Variants in HS6ST3 observed in about 807,000 individuals in gnomAD.
HS6ST3 encodes heparan-sulfate 6-O-sulfotransferase 3.
In HS6ST3, 12 loss-of-function variants were observed where a neutral mutation model predicts 36.7. The observed-to-expected ratio is 0.33, with a 90% confidence interval of 0.21 to 0.53. The LOEUF is 0.53. HS6ST3 is among the 20% of genes least tolerant of loss of function. HS6ST3 has a pLI of 0.95. For missense variants in HS6ST3, 584 were observed against 640.9 expected (o/e 0.91, Z 0.96); for synonymous variants, 240 against 257.5 (o/e 0.93, Z 0.65).
chr13:96,671,889 A>T (rs2056683980), intron 1 of HS6ST3, among the ~76,000 whole-genome samples: 1 of 152,144 alleles, frequency 6.6e-6, no homozygotes, highest in Non-Finnish European at 1.5e-5. Flanking sequence ...GTTATGATTT[A>T]TTCAATCTTA....
chr13:96,670,458 A>T (rs1174079869), intron 1 of HS6ST3, among the ~76,000 whole-genome samples: 1 of 152,134 alleles, frequency 6.6e-6, no homozygotes, highest in African/African-American at 2.4e-5. Flanking sequence ...AATTTTTTTT[A>T]AAGGCATGAG....
At chr13:96,666,283 C>T (rs1398139301) in intron 1 of HS6ST3, among the ~76,000 whole-genome samples, 1 of 152,144 alleles carries the variant, frequency 6.6e-6, no homozygotes, top group African/African-American at 2.4e-5. Context: ...CCACCAGGTC[C>T]CTCTGATGAC....
chr13:96,378,359 G>A (rs1566342749), intron 1 of HS6ST3, among the ~76,000 whole-genome samples: 1 of 152,140 alleles, frequency 6.6e-6, no homozygotes, highest in African/African-American at 2.4e-5. Context: ...CTTCGGAAGA[G>A]GTGTGAGGGC....
chr13:96,519,185 G>A (rs1304306702), intron 1 of HS6ST3, among the ~76,000 whole-genome samples: 2 of 152,128 alleles, frequency 1.3e-5, no homozygotes, highest in African/African-American at 4.8e-5. Context: ...CAATCCCCTG[G>A]GTCTACCGCA....
At chr13:96,408,970 G>C (rs1165216478) in intron 1 of HS6ST3, among the ~76,000 whole-genome samples, 1 of 152,014 alleles carries the variant, frequency 6.6e-6, no homozygotes, top group Admixed American at 6.6e-5. Context: ...ATCGAACATC[G>C]TGCAAATGTT....
At chr13:96,526,965 A>G (rs1365654272) in intron 1 of HS6ST3, among the ~76,000 whole-genome samples, 1 of 152,224 alleles carries the variant, frequency 6.6e-6, no homozygotes, top group Non-Finnish European at 1.5e-5. Context: ...GTGAATACGT[A>G]TTGAAATTAT....
chr13:96,231,706 T>C (rs1318908842), intron 1 of HS6ST3, among the ~76,000 whole-genome samples: 2 of 152,134 alleles, frequency 1.3e-5, no homozygotes, highest in South Asian at 2.1e-4. Context: ...TCAAGGCCCA[T>C]GCGCAAAAGT....
At chr13:96,178,781 G>T (rs1005822007) in intron 1 of HS6ST3, among the ~76,000 whole-genome samples, 1 of 152,130 alleles carries the variant, frequency 6.6e-6, no homozygotes, top group African/African-American at 2.4e-5. Flanking sequence ...GTAAAGAATA[G>T]GGAAGGCTGG....
At chr13:96,551,977 C>A (rs2056221201) in intron 1 of HS6ST3, among the ~76,000 whole-genome samples, 1 of 152,162 alleles carries the variant, frequency 6.6e-6, no homozygotes, top group Non-Finnish European at 1.5e-5. Context: ...AACCTGCCAA[C>A]TTTAAAGTTA....
At chr13:96,338,148 A>AT (rs1350499734) in intron 1 of HS6ST3, among the ~76,000 whole-genome samples, 1 of 151,168 alleles carries the variant, frequency 6.6e-6, no homozygotes, top group African/African-American at 2.4e-5. Flanking sequence ...TGGTCCTCAG[A>AT]TTTTCTAGAG....
intron 1 of HS6ST3, among the ~76,000 whole-genome samples, chr13:96,428,989 C>T (rs181781847): frequency 5.9e-5 from 9 of 152,170 alleles, no homozygotes; most frequent in Admixed American, 1.3e-4. Flanking sequence ...ATCACGTGCC[C>T]ATATTACAGC....
intron 1 of HS6ST3, among the ~76,000 whole-genome samples, chr13:96,258,797 A>G (rs1288938334): frequency 6.6e-6 from 1 of 152,192 alleles, no homozygotes; most frequent in Non-Finnish European, 1.5e-5. Flanking sequence ...ATTAATTATT[A>G]TATGTCAGTT....
intron 1 of HS6ST3, among the ~76,000 whole-genome samples, chr13:96,395,528 C>T (rs867899883): frequency 2.6e-5 from 4 of 152,170 alleles, no homozygotes; most frequent in African/African-American, 9.6e-5. Flanking sequence ...TGTGAAACGC[C>T]TACCAGCACA....
intron 1 of HS6ST3, among the ~76,000 whole-genome samples, chr13:96,284,910 GCTTTCTTTCTTT>G (rs71740033): frequency 0.067 from 9,053 of 134,220 alleles, 349 homozygotes; most frequent in African/African-American, 0.084. Flanking sequence ...ATGCATATTT[GCTTTCTTTCTTT>G]CTTTCTTTCT....
intron 1 of HS6ST3, among the ~76,000 whole-genome samples, chr13:96,464,947 C>CGTGTGTGTGT (rs71113997): frequency 5.3e-4 from 77 of 145,552 alleles, no homozygotes; most frequent in Middle Eastern, 3.5e-3. Flanking sequence ...CAAGATGCTT[C>CGTGTGTGTGT]GTGTGTGTGT....
At chr13:96,729,248 T>A (rs989469557) in intron 1 of HS6ST3, among the ~76,000 whole-genome samples, 2 of 152,076 alleles carry the variant, frequency 1.3e-5, no homozygotes, top group African/African-American at 4.8e-5. Flanking sequence ...ACCTCTGCAC[T>A]CTAAGCACAG....
intron 1 of HS6ST3, among the ~76,000 whole-genome samples, chr13:96,799,636 T>C (rs542704773): frequency 6.9e-4 from 52 of 75,272 alleles, no homozygotes; most frequent in African/African-American, 2.8e-3. Context: ...TGTTGTGGGG[T>C]GGAGGGAGGG....
chr13:96,447,318 C>T (rs2055703909), intron 1 of HS6ST3, among the ~76,000 whole-genome samples: 1 of 152,156 alleles, frequency 6.6e-6, no homozygotes, highest in Non-Finnish European at 1.5e-5. Context: ...ATCCTCAGCT[C>T]CCAGAAGACC....
chr13:96,397,002 G>A (rs758293647), intron 1 of HS6ST3, among the ~76,000 whole-genome samples: 1 of 152,032 alleles, frequency 6.6e-6, no homozygotes, highest in Non-Finnish European at 1.5e-5. Context: ...TCAGGAGTTC[G>A]AGATCAGCCT....
Sources: allele counts gnomAD v4.1 joint callset (sites outside exome capture counted in the v4.1 genomes callset), GRCh38; gene constraint gnomAD v4.1.1; transcripts MANE v1.5; gene names NCBI Gene and HGNC (gene_info 2026-07-23, HGNC 2026-07-21).